The following CNTNAP2 variants were observed in gnomAD, a reference collection of about 807,000 sequenced individuals.
The protein encoded by CNTNAP2 is contactin associated protein 2, also known as contactin-associated protein-like 2.
Under a neutral mutation model 155.2 loss-of-function variants are expected in CNTNAP2, and 98 were observed. The ratio of observed to expected loss-of-function variants is 0.63; its 90% CI spans 0.54 to 0.75. The LOEUF (loss-of-function observed/expected upper bound fraction) is 0.75, where lower values mean the gene tolerates loss of function less well. CNTNAP2 is among the 30% of genes least tolerant of loss of function. The pLI is 0.00. For synonymous variants in CNTNAP2, 651 were observed against 631.2 expected (o/e 1.03, Z -0.47); for missense variants, 1,727 against 1,688.1 (o/e 1.02, Z -0.40).
chr7:146,477,170 C>T (rs1390424174), intron 1 of CNTNAP2, among the ~76,000 whole-genome samples: 6 of 152,160 alleles, frequency 3.9e-5, no homozygotes, highest in Middle Eastern at 3.4e-3. Context: ...TTTGAAAATC[C>T]ATGTTTTAGT....
intron 1 of CNTNAP2, among the ~76,000 whole-genome samples, chr7:146,337,632 G>A (rs1375523435): frequency 6.6e-6 from 1 of 151,534 alleles, no homozygotes; most frequent in Admixed American, 6.6e-5. Flanking sequence ...TTTTTTGTTT[G>A]TTTGTTTTAA....
chr7:146,158,346 C>T (rs138457454), intron 1 of CNTNAP2, among the ~76,000 whole-genome samples: 22 of 152,286 alleles, frequency 1.4e-4, no homozygotes, highest in African/African-American at 5.1e-4. Context: ...TCCAAAGGAA[C>T]GCAGCTCCTT....
At chr7:148,388,336 T>C (rs970585303) in intron 22 of CNTNAP2, among the ~76,000 whole-genome samples, 1 of 126,374 alleles carries the variant, frequency 7.9e-6, no homozygotes, top group African/African-American at 3.1e-5. Flanking sequence ...GATGTTCCCC[T>C]TCCTGTGTCC....
intron 10 of CNTNAP2, among the ~76,000 whole-genome samples, chr7:147,401,066 T>C (rs826664): frequency 0.13 from 19,309 of 152,118 alleles, 1,480 homozygotes; most frequent in East Asian, 0.32. Flanking sequence ...CCCCTAGAGG[T>C]TGAAATCTGG....
intron 15 of CNTNAP2, among the ~76,000 whole-genome samples, chr7:148,078,374 G>T (rs145632397): frequency 5.3e-5 from 8 of 152,206 alleles, no homozygotes; most frequent in African/African-American, 1.9e-4. Flanking sequence ...ACCCCACCTG[G>T]CCACTTCTTT....
At chr7:147,885,525 C>T (rs1458190961) in intron 13 of CNTNAP2, among the ~76,000 whole-genome samples, 1 of 152,128 alleles carries the variant, frequency 6.6e-6, no homozygotes, top group Non-Finnish European at 1.5e-5. Context: ...CCCCCGCCAC[C>T]CCGCCCCATC....
intron 1 of CNTNAP2, among the ~76,000 whole-genome samples, chr7:146,132,725 C>G (rs1797735057): frequency 6.6e-6 from 1 of 151,662 alleles, no homozygotes; most frequent in African/African-American, 2.4e-5. Context: ...ATCCATGTCC[C>G]TACAAAGGAC....
chr7:146,899,681 C>G (rs903048285), intron 3 of CNTNAP2, among the ~76,000 whole-genome samples: 2 of 152,146 alleles, frequency 1.3e-5, no homozygotes, highest in African/African-American at 4.8e-5. Context: ...ACCAGGAAAT[C>G]CAAGGGATAG....
At chr7:146,290,758 G>A (rs973401249) in intron 1 of CNTNAP2, among the ~76,000 whole-genome samples, 4 of 152,182 alleles carry the variant, frequency 2.6e-5, no homozygotes, top group African/African-American at 4.8e-5. Flanking sequence ...AATTTATGAT[G>A]TAAGAAGTTC....
intron 3 of CNTNAP2, among the ~76,000 whole-genome samples, chr7:146,871,062 G>A (rs1016357179): frequency 6.6e-6 from 1 of 152,184 alleles, no homozygotes; most frequent in Non-Finnish European, 1.5e-5. Context: ...TGTGTGAAAT[G>A]TATTGAAATG....
intron 9 of CNTNAP2, among the ~76,000 whole-genome samples, chr7:147,329,147 C>A (rs1022512795): frequency 6.8e-6 from 1 of 147,646 alleles, no homozygotes; most frequent in East Asian, 2.0e-4. Context: ...CACCCCCCCA[C>A]ACACACACAC....
At chr7:147,538,292 C>A (rs10487690) in intron 11 of CNTNAP2, among the ~76,000 whole-genome samples, 25,942 of 152,092 alleles carry the variant, frequency 0.17, 2,387 homozygotes, top group East Asian at 0.36. Context: ...CTTTTTAATA[C>A]TATTTCCAAC....
intron 13 of CNTNAP2, among the ~76,000 whole-genome samples, chr7:147,794,831 T>G (rs978017582): frequency 6.6e-6 from 1 of 151,892 alleles, no homozygotes; most frequent in South Asian, 2.1e-4. Context: ...GTTTGTATTT[T>G]TTTAGGAATT....
intron 3 of CNTNAP2, among the ~76,000 whole-genome samples, chr7:146,847,475 T>A (rs932555275): frequency 6.6e-6 from 1 of 152,292 alleles, no homozygotes; most frequent in Middle Eastern, 3.4e-3. Flanking sequence ...TGAATAGTAT[T>A]TACCTCAATG....
intron 15 of CNTNAP2, among the ~76,000 whole-genome samples, chr7:148,069,368 G>A (rs1803334555): frequency 6.6e-6 from 1 of 152,180 alleles, no homozygotes; most frequent in Non-Finnish European, 1.5e-5. Flanking sequence ...AATACTCTGA[G>A]TGGAGACAGG....
rs148733811 is a variant in CNTNAP2, at chr7:147,132,131, GC to G, written c.1084-113del. 3.9e-3 allele frequency: 5,371 copies of G among 1,360,946 alleles called. 125 individuals are homozygous for G. In the African/African-American group the frequency reaches 0.061, roughly 15 times the overall value. The allele number at this position is 1,360,946 out of a possible 1,614,324, so 84.3% of individuals were successfully genotyped here. A position where few individuals can be genotyped will look rare whatever the true frequency, so the allele number is the denominator to read the frequency against. On this transcript the variant is annotated intron_variant, in intron 7 of 23. Coordinates refer to ENST00000361727, the MANE Select transcript of CNTNAP2 (RefSeq NM_014141.6). ...TGCTCTGCTGCTGTGTGTGAGTTTA[GC>G]TTAGGCTCAGGCTGTGCTTCAAAAC...
intron 1 of CNTNAP2, among the ~76,000 whole-genome samples, chr7:146,707,086 T>C (rs1800979746): frequency 6.6e-6 from 1 of 152,110 alleles, no homozygotes; most frequent in South Asian, 2.1e-4. Context: ...TTCACAACAT[T>C]CAATCATTAT....
intron 18 of CNTNAP2, among the ~76,000 whole-genome samples, chr7:148,173,911 C>A (rs575824305): frequency 1.3e-5 from 2 of 152,304 alleles, no homozygotes; most frequent in South Asian, 4.2e-4. Flanking sequence ...AAATCACCAT[C>A]CCTTTATTTT....
intron 4 of CNTNAP2, among the ~76,000 whole-genome samples, chr7:147,070,577 T>G (rs1459313363): frequency 6.6e-6 from 1 of 152,210 alleles, no homozygotes; most frequent in African/African-American, 2.4e-5. Flanking sequence ...TGCTAGGATT[T>G]TAGTCTTTGA....
Sources: allele counts gnomAD v4.1 joint callset (sites outside exome capture counted in the v4.1 genomes callset), GRCh38; gene constraint gnomAD v4.1.1; transcripts MANE v1.5; gene names NCBI Gene and HGNC (gene_info 2026-07-23, HGNC 2026-07-21).